CNTLN: variants seen among roughly 807,000 people sequenced by gnomAD.
CNTLN encodes centlein, centrosomal protein.
A neutral mutation model predicts 180.0 loss-of-function variants in CNTLN; 212 were observed. The observed-to-expected ratio is 1.18, with a 90% CI of 1.05 to 1.32. CNTLN has a LOEUF of 1.32. Among genes scored for constraint, CNTLN ranks in the 40% most tolerant of loss-of-function variants. The probability of loss-of-function intolerance (pLI) is 0.00; values close to 1 mark genes in which losing one functional copy is unlikely to be tolerated. For synonymous variants in CNTLN, 722 were observed against 563.1 expected (o/e 1.28, Z -3.99); for missense variants, 2,095 against 1,610.9 (o/e 1.30, Z -5.14).
At chr9:17,269,150 C>T (rs200871941) in intron 5 of CNTLN, among the ~76,000 whole-genome samples, 9 of 152,206 alleles carry the variant, frequency 5.9e-5, no homozygotes, top group East Asian at 5.8e-4. Flanking sequence ...AACTGTAGAC[C>T]GGAGCTGTTC....
chr9:17,477,759 C>T lies in CNTLN; in HGVS notation c.3856-6536C>T, dbSNP rs1199780377. Among the ~76,000 whole-genome samples, 3 of 152,224 alleles carry T rather than the reference C, an allele frequency of 2.0e-5. No homozygotes were observed. In the East Asian group the frequency reaches 5.8e-4, roughly 29 times the overall value. ...AAGCGGTTTCCTGAGACGAAATCTCCTCCTGGTGAAAACGCTGTGAACATT... is the reference window on the plus strand; with the variant it reads ...AAGCGGTTTCCTGAGACGAAATCTCTTCCTGGTGAAAACGCTGTGAACATT... On this transcript the variant is annotated intron_variant, in intron 23 of 25. Coordinates refer to ENST00000380647, the MANE Select transcript of CNTLN (RefSeq NM_017738.4).
intron 18 of CNTLN, among the ~76,000 whole-genome samples, chr9:17,443,627 A>G (rs1588007412): frequency 6.6e-6 from 1 of 152,194 alleles, no homozygotes; most frequent in Non-Finnish European, 1.5e-5. Context: ...TGTATTGGTA[A>G]TATATTGTCT....
At chr9:17,527,305 A>G in the CNTLN span, among the ~76,000 whole-genome samples, 1 of 152,312 alleles carries the variant, frequency 6.6e-6, no homozygotes, top group African/African-American at 2.4e-5. Flanking sequence ...CATACCCTGC[A>G]CAGCCTTTCT....
At chr9:17,214,670 T>A (rs1483863007) in intron 2 of CNTLN, among the ~76,000 whole-genome samples, 3 of 152,216 alleles carry the variant, frequency 2.0e-5, no homozygotes, top group Non-Finnish European at 4.4e-5. Context: ...GGTTCCATTG[T>A]CCCCATCATT....
intron 14 of CNTLN, among the ~76,000 whole-genome samples, chr9:17,390,031 G>A (rs1825973995): frequency 6.6e-6 from 1 of 152,200 alleles, no homozygotes; most frequent in African/African-American, 2.4e-5. Context: ...CCATTTACAA[G>A]CCAAGGAGAA....
the CNTLN span, among the ~76,000 whole-genome samples, chr9:17,521,265 A>AAGAGATAGAGAGAG: frequency 8.4e-6 from 1 of 118,508 alleles, no homozygotes; most frequent in Admixed American, 1.0e-4. Context: ...AAGGGAGAAA[A>AAGAGATAGAGAGAG]AGAGAGAGAG....
At chr9:17,162,010 A>G (rs1350665284) in intron 2 of CNTLN, among the ~76,000 whole-genome samples, 1 of 152,128 alleles carries the variant, frequency 6.6e-6, no homozygotes, top group Admixed American at 6.5e-5. Flanking sequence ...TGATCTCAGT[A>G]TGGTCTGTCT....
intron 18 of CNTLN, among the ~76,000 whole-genome samples, chr9:17,429,626 A>G (rs183852884): frequency 2.3e-4 from 35 of 152,136 alleles, no homozygotes; most frequent in African/African-American, 7.9e-4. Flanking sequence ...TTGGATAAGA[A>G]TTATTATCCT....
chr9:17,316,682 C>T (rs7861548), intron 8 of CNTLN, among the ~76,000 whole-genome samples: 124,292 of 151,484 alleles, frequency 0.82, 51,298 homozygotes, highest in Non-Finnish European at 0.87. Flanking sequence ...TGCAATTTTG[C>T]TATTTTTAAT....
intron 16 of CNTLN, among the ~76,000 whole-genome samples, chr9:17,411,189 A>T (rs1398396650): frequency 6.6e-6 from 1 of 152,104 alleles, no homozygotes; most frequent in East Asian, 1.9e-4. Flanking sequence ...TGCTTCATGT[A>T]TCCTGGCCTG....
At chr9:17,198,571 A>G (rs114937248) in intron 2 of CNTLN, among the ~76,000 whole-genome samples, 4,100 of 143,536 alleles carry the variant, frequency 0.029, 186 homozygotes, top group African/African-American at 0.1. Context: ...TGCTGTTGGC[A>G]TATAGAAATG....
chr9:17,369,763 G>T (rs1213804173), intron 13 of CNTLN, among the ~76,000 whole-genome samples: 3 of 151,634 alleles, frequency 2.0e-5, no homozygotes, highest in Non-Finnish European at 4.4e-5. Flanking sequence ...GAGGTGGGAG[G>T]ATCACCTAAT....
At chr9:17,291,600 C>T (rs911637509) in intron 6 of CNTLN, among the ~76,000 whole-genome samples, 3 of 152,124 alleles carry the variant, frequency 2.0e-5, no homozygotes, top group Non-Finnish European at 2.9e-5. Flanking sequence ...GGTTTAAAGT[C>T]TATTTTGTCA....
chr9:17,447,179 C>CT (rs1019569505), intron 18 of CNTLN: 2 of 217,988 alleles, frequency 9.2e-6, no homozygotes, highest in African/African-American at 4.6e-5. Flanking sequence ...AAACTAGATG[C>CT]TATCACATAT....
intron 23 of CNTLN, among the ~76,000 whole-genome samples, chr9:17,475,654 C>T (rs967578497): frequency 1.3e-5 from 2 of 151,832 alleles, no homozygotes; most frequent in African/African-American, 4.8e-5. Flanking sequence ...GGGTGGATCA[C>T]GAGGTCAGGA....
At chr9:17,361,522 T>C (rs917198777) in intron 12 of CNTLN, among the ~76,000 whole-genome samples, 1 of 152,342 alleles carries the variant, frequency 6.6e-6, no homozygotes, top group Middle Eastern at 3.4e-3. Flanking sequence ...TTTCATACTA[T>C]GCACATGCAA....
intron 8 of CNTLN, among the ~76,000 whole-genome samples, chr9:17,327,952 T>C (rs1403815992): frequency 6.6e-6 from 1 of 150,706 alleles, no homozygotes; most frequent in South Asian, 2.1e-4. Context: ...AAACTCCGTC[T>C]CAAAAAAGAA....
chr9:17,367,398 A>C (rs1823921637), intron 13 of CNTLN, among the ~76,000 whole-genome samples: 1 of 102,030 alleles, frequency 9.8e-6, no homozygotes, highest in African/African-American at 3.1e-5. Flanking sequence ...CTCTATATAA[A>C]CTTAAAAGAC....
chr9:17,451,864 A>G (rs2004279), intron 18 of CNTLN, among the ~76,000 whole-genome samples: 7,771 of 152,262 alleles, frequency 0.051, 684 homozygotes, highest in African/African-American at 0.18. Flanking sequence ...GTGGTAAAAA[A>G]CAAATGGGAA....
Sources: allele counts gnomAD v4.1 joint callset (sites outside exome capture counted in the v4.1 genomes callset), GRCh38; gene constraint gnomAD v4.1.1; transcripts MANE v1.5; gene names NCBI Gene and HGNC (gene_info 2026-07-23, HGNC 2026-07-21).